The following LINGO2 variants were observed in gnomAD, a reference collection of about 807,000 sequenced individuals.
LINGO2 encodes the protein leucine rich repeat and Ig domain containing 2, also known as leucine-rich repeat and immunoglobulin-like domain-containing nogo receptor-interacting protein 2.
A neutral mutation model predicts 30.6 loss-of-function variants in LINGO2; 14 were observed. The observed-to-expected ratio is 0.46, with a 90% CI of 0.30 to 0.72. The LOEUF (loss-of-function observed/expected upper bound fraction) is 0.72. Among genes scored for constraint, LINGO2 ranks in the 30% least tolerant of loss-of-function variants. The pLI is 0.07. For synonymous variants in LINGO2, 317 were observed against 288.5 expected, an observed-to-expected ratio of 1.10 and a Z score of -1.00; for missense variants, 729 against 751.7, an observed-to-expected ratio of 0.97 and a Z score of 0.35.
the LINGO2 span, among the ~76,000 whole-genome samples, chr9:29,084,632 T>A: frequency 2.7e-4 from 41 of 152,082 alleles, 1 homozygote; most frequent in Middle Eastern, 0.01. Flanking sequence ...GATCTCCACA[T>A]AAACTCCTTT....
At chr9:28,021,823 A>G (rs1823140556) in intron 4 of LINGO2, among the ~76,000 whole-genome samples, 1 of 151,164 alleles carries the variant, frequency 6.6e-6, no homozygotes, top group Non-Finnish European at 1.5e-5. Context: ...GGAGCACAGT[A>G]AAATTTTTTC....
At chr9:28,237,134 T>G in intron 4 of LINGO2, among the ~76,000 whole-genome samples, 1 of 147,224 alleles carries the variant, frequency 6.8e-6, no homozygotes. Context: ...GGGGTAAAGT[T>G]AAATGTAGGA....
chr9:28,047,032 A>G (rs1824453300), intron 4 of LINGO2, among the ~76,000 whole-genome samples: 1 of 152,102 alleles, frequency 6.6e-6, no homozygotes, highest in Non-Finnish European at 1.5e-5. Flanking sequence ...AGCAGCCCCT[A>G]AGTAATGCTT....
intron 4 of LINGO2, among the ~76,000 whole-genome samples, chr9:28,269,454 A>T (rs1422520482): frequency 2.0e-5 from 3 of 152,152 alleles, no homozygotes; most frequent in African/African-American, 7.2e-5. Context: ...TTTTCACTTA[A>T]ATGTCACATT....
At chr9:28,345,504 A>T in intron 3 of LINGO2, among the ~76,000 whole-genome samples, 1 of 152,162 alleles carries the variant, frequency 6.6e-6, no homozygotes, top group East Asian at 1.9e-4. Flanking sequence ...GGCCTGGATC[A>T]CTTAGTAATT....
chr9:28,217,282 G>T (rs1175748969), intron 4 of LINGO2, among the ~76,000 whole-genome samples: 4 of 151,482 alleles, frequency 2.6e-5, no homozygotes, highest in Non-Finnish European at 5.9e-5. Flanking sequence ...AATTAATTAG[G>T]TAATTTATCC....
intron 4 of LINGO2, among the ~76,000 whole-genome samples, chr9:28,219,431 T>C (rs1428717145): frequency 6.6e-6 from 1 of 152,168 alleles, no homozygotes; most frequent in Non-Finnish European, 1.5e-5. Context: ...TAAGGTCTCA[T>C]AAATAGCAAG....
At chr9:29,112,653 G>A in the LINGO2 span, among the ~76,000 whole-genome samples, 1 of 152,134 alleles carries the variant, frequency 6.6e-6, no homozygotes, top group Non-Finnish European at 1.5e-5. Context: ...AGTGCCAACT[G>A]TCAAAAACAT....
intron 3 of LINGO2, among the ~76,000 whole-genome samples, chr9:28,317,841 A>G (rs985313451): frequency 6.6e-6 from 1 of 152,188 alleles, no homozygotes; most frequent in African/African-American, 2.4e-5. Context: ...TGTCTGCCAC[A>G]CAGGGTATGG....
At chr9:29,018,741 T>C in the LINGO2 span, among the ~76,000 whole-genome samples, 2 of 151,946 alleles carry the variant, frequency 1.3e-5, no homozygotes, top group Non-Finnish European at 2.9e-5. Flanking sequence ...TCTTATTACT[T>C]AGATCTGAAC....
the LINGO2 span, among the ~76,000 whole-genome samples, chr9:28,735,956 T>C: frequency 2.6e-5 from 4 of 152,304 alleles, no homozygotes; most frequent in East Asian, 5.8e-4. Context: ...GTGAGCTGTG[T>C]AGATGAGGAT....
the LINGO2 span, among the ~76,000 whole-genome samples, chr9:29,130,321 C>T: frequency 1.6e-4 from 25 of 152,202 alleles, no homozygotes; most frequent in Middle Eastern, 6.8e-3. Context: ...TAGGTTACCC[C>T]CAAAGCCTCC....
the LINGO2 span, among the ~76,000 whole-genome samples, chr9:28,700,891 ACTAG>A: frequency 2.0e-4 from 31 of 151,986 alleles, no homozygotes; most frequent in African/African-American, 7.2e-4. Flanking sequence ...TTTGTAATTC[ACTAG>A]TATCATATGA....
At chr9:28,609,858 A>T (rs537194869) in intron 1 of LINGO2, among the ~76,000 whole-genome samples, 1 of 152,164 alleles carries the variant, frequency 6.6e-6, no homozygotes, top group Non-Finnish European at 1.5e-5. Flanking sequence ...CTTCAATATG[A>T]AAATGACTAA....
At chr9:28,737,528 G>T in the LINGO2 span, among the ~76,000 whole-genome samples, 1 of 152,116 alleles carries the variant, frequency 6.6e-6, no homozygotes, top group Non-Finnish European at 1.5e-5. Flanking sequence ...GACATACAGA[G>T]AACTTACATA....
At position 28,064,121 on chromosome 9, in the gene LINGO2, A is replaced by G. The variant is rs79208415; in HGVS notation, c.-86-51716T>C. Among the ~76,000 whole-genome samples, 801 of 152,280 alleles carry G rather than the reference A, an allele frequency of 5.3e-3. 16 individuals carry two copies. The highest frequency in any genetic ancestry group is 0.047 in the South Asian group (226 of 4,830). Reference sequence around the variant, plus strand: ...AAACAAGAGGGAAAGAACTGGTGATAACAGGTCAGCCCCCGTTAGCAGCAG... The same window carrying G: ...AAACAAGAGGGAAAGAACTGGTGATGACAGGTCAGCCCCCGTTAGCAGCAG... On this transcript the variant is annotated intron_variant, in intron 4 of 5. Transcript: ENST00000379992.
At chr9:28,651,892 T>C (rs1442502449) in intron 1 of LINGO2, among the ~76,000 whole-genome samples, 2 of 152,308 alleles carry the variant, frequency 1.3e-5, no homozygotes, top group African/African-American at 4.8e-5. Flanking sequence ...CCAGTTCTTT[T>C]ACTGGTTTAT....
At chr9:28,779,203 T>C in the LINGO2 span, among the ~76,000 whole-genome samples, 3 of 152,334 alleles carry the variant, frequency 2.0e-5, no homozygotes, top group Non-Finnish European at 2.9e-5. Flanking sequence ...ATTTCTTTAA[T>C]ATGTAGTCAC....
intron 4 of LINGO2, among the ~76,000 whole-genome samples, chr9:28,232,275 C>T (rs1377534680): frequency 6.6e-6 from 1 of 151,774 alleles, no homozygotes; most frequent in South Asian, 2.1e-4. Context: ...GGCACACACC[C>T]ATAATTTCAG....
Sources: gnomAD v4.1 joint callset for allele counts (sites outside exome capture counted in the v4.1 genomes callset) on GRCh38, gnomAD v4.1.1 for gene constraint, MANE v1.5 for transcripts, NCBI Gene and HGNC (gene_info 2026-07-23, HGNC 2026-07-21) for gene names.